HS6ST3: variants seen among roughly 807,000 people sequenced by gnomAD.
HS6ST3 encodes the protein heparan-sulfate 6-O-sulfotransferase 3.
Under a neutral mutation model 36.7 loss-of-function variants are expected in HS6ST3, and 12 were observed. The ratio of observed to expected loss-of-function variants is 0.33; its 90% CI spans 0.21 to 0.53. The LOEUF (loss-of-function observed/expected upper bound fraction) is 0.53, where lower values mean the gene tolerates loss of function less well. HS6ST3 is among the 20% of genes least tolerant of loss of function. The probability of loss-of-function intolerance (pLI) is 0.95; values close to 1 mark genes in which losing one functional copy is unlikely to be tolerated. For synonymous variants in HS6ST3, 240 were observed against 257.5 expected (o/e 0.93, Z 0.65); for missense variants, 584 against 640.9 (o/e 0.91, Z 0.96).
intron 1 of HS6ST3, among the ~76,000 whole-genome samples, chr13:96,299,288 C>T (rs749402962): frequency 5.9e-5 from 9 of 152,216 alleles, no homozygotes; most frequent in South Asian, 4.1e-4. Context: ...GTCTCATTTA[C>T]TGCTTCGTTC....
At chr13:96,752,447 A>G (rs1876724378) in intron 1 of HS6ST3, among the ~76,000 whole-genome samples, 1 of 152,100 alleles carries the variant, frequency 6.6e-6, no homozygotes, top group African/African-American at 2.4e-5. Context: ...GTTGCTCCAT[A>G]TTCTCTCCAA....
chr13:96,726,926 A>C, intron 1 of HS6ST3, among the ~76,000 whole-genome samples: 1 of 152,122 alleles, frequency 6.6e-6, no homozygotes, highest in African/African-American at 2.4e-5. Flanking sequence ...TTCAGTCCAC[A>C]GCTATATAGT....
At chr13:96,686,591 T>C (rs901980512) in intron 1 of HS6ST3, among the ~76,000 whole-genome samples, 5 of 152,056 alleles carry the variant, frequency 3.3e-5, no homozygotes, top group African/African-American at 1.2e-4. Flanking sequence ...AGGCACAAGA[T>C]AGCTCATCTG....
intron 1 of HS6ST3, among the ~76,000 whole-genome samples, chr13:96,541,058 A>C (rs1411441934): frequency 6.6e-6 from 1 of 152,236 alleles, no homozygotes; most frequent in East Asian, 1.9e-4. Context: ...TTTCTAAGAC[A>C]GTCTCACTCT....
At chr13:96,362,263 C>T (rs1011613966) in intron 1 of HS6ST3, among the ~76,000 whole-genome samples, 4 of 150,308 alleles carry the variant, frequency 2.7e-5, no homozygotes, top group African/African-American at 9.7e-5. Context: ...TATTTAATAA[C>T]GATTTCTAAC....
At chr13:96,756,560 T>TAC (rs759857375) in intron 1 of HS6ST3, among the ~76,000 whole-genome samples, 19 of 152,196 alleles carry the variant, frequency 1.2e-4, no homozygotes, top group Non-Finnish European at 2.2e-4. Flanking sequence ...GGTATTTTGA[T>TAC]TGGGATTTTA....
chr13:96,254,442 A>C (rs1354729783), intron 1 of HS6ST3, among the ~76,000 whole-genome samples: 1 of 40,400 alleles, frequency 2.5e-5, no homozygotes, highest in African/African-American at 8.4e-5. Context: ...AAAAAAAAAA[A>C]AAAAAAATAT....
At chr13:96,786,204 C>T (rs1247288976) in intron 1 of HS6ST3, among the ~76,000 whole-genome samples, 2 of 152,130 alleles carry the variant, frequency 1.3e-5, no homozygotes, top group Admixed American at 1.3e-4. Context: ...CAGCCCTTTG[C>T]GTGAATGGTT....
chr13:96,249,497 A>G (rs1264678738), intron 1 of HS6ST3, among the ~76,000 whole-genome samples: 1 of 152,182 alleles, frequency 6.6e-6, no homozygotes, highest in African/African-American at 2.4e-5. Context: ...AAAAACTGAC[A>G]GAGAAGTAGA....
chr13:96,231,138 A>G (rs978999162), intron 1 of HS6ST3, among the ~76,000 whole-genome samples: 2 of 152,052 alleles, frequency 1.3e-5, no homozygotes, highest in Admixed American at 1.3e-4. Context: ...GTGCATGTTG[A>G]GGGAGGGATT....
chr13:96,136,179 T>G (rs1257540400), intron 1 of HS6ST3, among the ~76,000 whole-genome samples: 1 of 152,240 alleles, frequency 6.6e-6, no homozygotes, highest in Non-Finnish European at 1.5e-5. Flanking sequence ...TCTTTGACCT[T>G]GTGTTCATTT....
At chr13:96,416,846 G>A (rs779658663) in intron 1 of HS6ST3, among the ~76,000 whole-genome samples, 33 of 150,922 alleles carry the variant, frequency 2.2e-4, no homozygotes, top group Non-Finnish European at 4.7e-4. Flanking sequence ...TCTGCCTCTC[G>A]GGTTCACGCC....
intron 1 of HS6ST3, among the ~76,000 whole-genome samples, chr13:96,457,140 T>C (rs1162846201): frequency 6.6e-6 from 1 of 152,194 alleles, no homozygotes; most frequent in African/African-American, 2.4e-5. Context: ...CCTGCTCTTA[T>C]ATTGTTTTTA....
intron 1 of HS6ST3, among the ~76,000 whole-genome samples, chr13:96,377,045 ATATAT>A (rs1200300417): frequency 6.1e-5 from 9 of 147,794 alleles, no homozygotes; most frequent in African/African-American, 1.5e-4. Flanking sequence ...GGATTTATCA[ATATAT>A]TATAATATAT....
chr13:96,626,533 G>C (rs2056513029), intron 1 of HS6ST3, among the ~76,000 whole-genome samples: 1 of 152,062 alleles, frequency 6.6e-6, no homozygotes, highest in African/African-American at 2.4e-5. Context: ...TCATAATGTT[G>C]ATATATGGTG....
chr13:96,483,227 T>C (rs2055898161), intron 1 of HS6ST3, among the ~76,000 whole-genome samples: 1 of 152,166 alleles, frequency 6.6e-6, no homozygotes, highest in South Asian at 2.1e-4. Context: ...AGGGAAGTGG[T>C]ACTAGAGATC....
At chr13:96,170,987 ATGTT>A (rs544653924) in intron 1 of HS6ST3, among the ~76,000 whole-genome samples, 203 of 152,344 alleles carry the variant, frequency 1.3e-3, no homozygotes, top group African/African-American at 4.7e-3. Context: ...TATTTTAAAA[ATGTT>A]TGGGAAAGAT....
chr13:96,574,132 C>A, intron 1 of HS6ST3: 1 of 536,934 alleles, frequency 1.9e-6, no homozygotes. Flanking sequence ...AATACGTTAG[C>A]CATTGCATTT....
chr13:96,199,252 C>A (rs2054329748), intron 1 of HS6ST3, among the ~76,000 whole-genome samples: 1 of 152,144 alleles, frequency 6.6e-6, no homozygotes, highest in Non-Finnish European at 1.5e-5. Context: ...TAAACACTAA[C>A]AATATATAAG....
Sources: allele counts gnomAD v4.1 joint callset (sites outside exome capture counted in the v4.1 genomes callset), GRCh38; gene constraint gnomAD v4.1.1; transcripts MANE v1.5; gene names NCBI Gene and HGNC (gene_info 2026-07-23, HGNC 2026-07-21).